The following EGFL6 variants were observed in gnomAD, a reference collection of about 807,000 sequenced individuals.
EGFL6 encodes the protein EGF like domain multiple 6, also known as epidermal growth factor-like protein 6.
A neutral mutation model predicts 43.1 loss-of-function variants in EGFL6; 42 were observed. The observed-to-expected ratio is 0.98, with a 90% CI of 0.76 to 1.26. The LOEUF is 1.26. Among genes scored for constraint, EGFL6 ranks in the 50% most tolerant of loss-of-function variants. The pLI, the probability that EGFL6 is intolerant of heterozygous loss-of-function variation, is 0.00. For synonymous variants in EGFL6, 164 were observed against 163.2 expected, an observed-to-expected ratio of 1.01 and a Z score of -0.04; for missense variants, 429 against 427.8, an observed-to-expected ratio of 1.00 and a Z score of -0.02.
chrX:13,630,663 G>A (rs1408286225), intron 11 of EGFL6, among the ~76,000 whole-genome samples: 1 of 112,387 alleles, frequency 8.9e-6, no homozygotes, highest in Non-Finnish European at 1.9e-5. Context: ...CTCAGATTGA[G>A]AGCAAAAGAG....
At chrX:13,624,003 T>C in intron 10 of EGFL6, 78 bp downstream of exon 10, 1 of 793,114 alleles carries the variant, frequency 1.3e-6, no homozygotes, top group Non-Finnish European at 1.9e-6. Context: ...GGGTTGTTAT[T>C]CCCATTACTC....
At chrX:13,621,969 G>A (rs769176632) in intron 9 of EGFL6, among the ~76,000 whole-genome samples, 6 of 112,081 alleles carry the variant, frequency 5.4e-5, no homozygotes, top group Admixed American at 1.9e-4. Flanking sequence ...TTACACACTC[G>A]CTTTCCCCAT....
intron 9 of EGFL6, among the ~76,000 whole-genome samples, chrX:13,621,837 T>A (rs369988650): frequency 8.9e-6 from 1 of 112,573 alleles, no homozygotes; most frequent in Non-Finnish European, 1.9e-5. Context: ...AGAGAATATA[T>A]GTGAAAGCAC....
rs1424292783 is a variant in EGFL6 at position 13,617,875 on chromosome X, C to T, written c.924C>T (p.Thr308=). 2.5e-6 allele frequency: 3 copies of T among 1,211,163 alleles called. No homozygotes were observed. Among genetic ancestry groups the T allele is most frequent in the Admixed American group, 4.4e-5 (2 of 45,952 alleles). Residue 308 remains threonine, a synonymous_variant, in exon 8 of 12, where the codon ACC becomes ACT. Coordinates refer to ENST00000361306, the MANE Select transcript of EGFL6 (RefSeq NM_015507.4). ...CCCCAGAACCCACCAGGACTCCTAC[C>T]CCTAAGGTGAACTTGCAGCCCTTCA... ...NVTPEPTRTP[T]PKVNLQPFNY... is the part of the protein sequence containing the mutation.
At chrX:13,626,308 C>A (rs954377178) in intron 10 of EGFL6, among the ~76,000 whole-genome samples, 1 of 111,707 alleles carries the variant, frequency 9.0e-6, no homozygotes, top group African/African-American at 3.3e-5. Flanking sequence ...TTCTTCCTGG[C>A]TTCTATAGAA....
intron 3 of EGFL6, among the ~76,000 whole-genome samples, chrX:13,598,567 T>C (rs1426116165): frequency 9.2e-6 from 1 of 108,294 alleles, no homozygotes; most frequent in Non-Finnish European, 1.9e-5. Flanking sequence ...AAGTTGTTGT[T>C]GTTGTTGTTG....
intron 2 of EGFL6, 68 bp from the exon 3 acceptor site, chrX:13,594,768 A>C: frequency 9.9e-7 from 1 of 1,013,642 alleles, no homozygotes; most frequent in Non-Finnish European, 1.4e-6. Flanking sequence ...AACGCAGCGA[A>C]GTTTTGCGTG....
At chrX:13,582,769 C>G (rs1276726768) in intron 1 of EGFL6, among the ~76,000 whole-genome samples, 1 of 111,498 alleles carries the variant, frequency 9.0e-6, no homozygotes, top group Non-Finnish European at 1.9e-5. Context: ...GTAACTGTCT[C>G]CTGTTAGTTA....
At chrX:13,600,226 G>A (rs1400827233) in intron 4 of EGFL6, 132 bp downstream of exon 4, 3 of 479,316 alleles carry the variant, frequency 6.3e-6, no homozygotes, top group African/African-American at 2.7e-5. Flanking sequence ...AAAATGTTTT[G>A]TGGCACTTGT....
intron 4 of EGFL6, 126 bp downstream of exon 4, chrX:13,600,220 T>C (rs2045624475): frequency 1.7e-6 from 1 of 604,200 alleles, no homozygotes; most frequent in Admixed American, 4.7e-5. Flanking sequence ...CCAGCTAAAA[T>C]GTTTTGTGGC....
At chrX:13,629,427 T>A (rs1297185022) in intron 11 of EGFL6, among the ~76,000 whole-genome samples, 2 of 111,286 alleles carry the variant, frequency 1.8e-5, no homozygotes, top group African/African-American at 3.3e-5. Flanking sequence ...ATTTTTTTTT[T>A]AAATGCACAT....
At chrX:13,588,663 C>T (rs2045546363) in intron 1 of EGFL6, among the ~76,000 whole-genome samples, 1 of 110,641 alleles carries the variant, frequency 9.0e-6, no homozygotes, top group Non-Finnish European at 1.9e-5. Flanking sequence ...CTAGGTGATC[C>T]CCTCTTTATA....
intron 1 of EGFL6, among the ~76,000 whole-genome samples, chrX:13,571,388 G>T (rs758845970): frequency 2.7e-5 from 3 of 111,309 alleles, no homozygotes; most frequent in African/African-American, 9.8e-5. Flanking sequence ...CTCAAACCAG[G>T]TTCTTAGAAT....
chrX:13,577,584 G>A (rs2045481332), intron 1 of EGFL6, among the ~76,000 whole-genome samples: 1 of 109,641 alleles, frequency 9.1e-6, no homozygotes, highest in Admixed American at 9.9e-5. Flanking sequence ...TTCTTATGGA[G>A]CAAATGTGAG....
In EGFL6 at chrX:13,569,786, C is replaced by T. The variant is rs1275078402; in HGVS notation, c.-76C>T. 6 of 1,044,951 alleles carry T rather than the reference C, an allele frequency of 5.7e-6. No homozygotes were observed. The African/African-American group carries it at 7.4e-5, about 13-fold the overall frequency. The allele number at this position is 1,044,951 out of a possible 1,213,427, so 86.1% of individuals were successfully genotyped here. On this transcript the variant is annotated 5_prime_UTR_variant, in exon 1 of 12. Coordinates refer to ENST00000361306, the MANE Select transcript of EGFL6 (RefSeq NM_015507.4). The stretch of plus-strand genomic sequence containing the variant: ...GAGCGGCTGAGGAGAGAGGAGGCGG[C>T]GGCTTAGCTGCTACGGGGTCCGGCC...
chrX:13,580,240 C>G (rs1359040395), intron 1 of EGFL6, among the ~76,000 whole-genome samples: 2 of 111,480 alleles, frequency 1.8e-5, no homozygotes, highest in Admixed American at 9.6e-5. Context: ...ACCCTATTTT[C>G]TTTCTTATTT....
At chrX:13,615,089 T>A (rs181780634) in intron 7 of EGFL6, among the ~76,000 whole-genome samples, 1 of 112,172 alleles carries the variant, frequency 8.9e-6, no homozygotes, top group Non-Finnish European at 1.9e-5. Context: ...GATGATGCAA[T>A]AATCAATAAA....
chrX:13,618,118 A>C, intron 8 of EGFL6, 65 bp downstream of exon 8: 1 of 1,075,499 alleles, frequency 9.3e-7, no homozygotes, highest in Non-Finnish European at 1.2e-6. Context: ...TGGCAAATGA[A>C]AGAAGACAAA....
At chrX:13,607,284 G>A (rs2045665771) in intron 6 of EGFL6, among the ~76,000 whole-genome samples, 1 of 110,988 alleles carries the variant, frequency 9.0e-6, no homozygotes, top group South Asian at 3.9e-4. Flanking sequence ...TTCTCTGCCC[G>A]TAACACGTGT....
Sources: gnomAD v4.1 joint callset for allele counts (sites outside exome capture counted in the v4.1 genomes callset) on GRCh38, gnomAD v4.1.1 for gene constraint, MANE v1.5 for transcripts, NCBI Gene and HGNC (gene_info 2026-07-23, HGNC 2026-07-21) for gene names.